CHIC1: variants seen among roughly 807,000 people sequenced by gnomAD.
CHIC1 encodes the protein cysteine rich hydrophobic domain 1.
A neutral mutation model predicts 18.5 loss-of-function variants in CHIC1; 7 were observed. That is an observed-to-expected ratio of 0.38 (90% CI 0.22 to 0.71). CHIC1 has a LOEUF of 0.71. CHIC1 is among the 30% of genes least tolerant of loss of function. The pLI is 0.49. For missense variants in CHIC1, 159 were observed against 176.9 expected (o/e 0.90, Z 0.57); for synonymous variants, 77 against 73.5 (o/e 1.05, Z -0.25).
At chrX:73,648,929 A>G (rs1358345809) in intron 3 of CHIC1, among the ~76,000 whole-genome samples, 1 of 111,808 alleles carries the variant, frequency 8.9e-6, no homozygotes, top group Non-Finnish European at 1.9e-5. Context: ...TGAAGGAAAA[A>G]GTGTTAAGGC....
chrX:73,630,166 G>T (rs1485251085), intron 3 of CHIC1, among the ~76,000 whole-genome samples: 1 of 111,309 alleles, frequency 9.0e-6, no homozygotes, highest in African/African-American at 3.3e-5. Flanking sequence ...GGTCTTTATA[G>T]GATTTTCTAT....
intron 3 of CHIC1, among the ~76,000 whole-genome samples, chrX:73,659,370 CTTTTTTTTTTTT>C (rs149705423): frequency 2.8e-5 from 1 of 35,183 alleles, no homozygotes; most frequent in Non-Finnish European, 4.8e-5. Flanking sequence ...TTCCCCTTTT[CTTTTTTTTTTTT>C]TTTTTTTTTT....
At chrX:73,619,987 T>C (rs1216537317) in intron 3 of CHIC1, among the ~76,000 whole-genome samples, 1 of 111,586 alleles carries the variant, frequency 9.0e-6, no homozygotes, top group Non-Finnish European at 1.9e-5. Context: ...GTTAGTTTGC[T>C]GAGAATGATG....
In CHIC1 at chrX:73,686,374, T is replaced by C. The variant is rs2058121481; in HGVS notation, c.*5369T>C. ...GTTTTAGAATATCACTGGCCTAATT[T>C]ATTTAGGTGTGTACATGTTGCTCAT... On this transcript the variant is annotated 3_prime_UTR_variant, in exon 6 of 6. Coordinates refer to ENST00000373502, the MANE Select transcript of CHIC1 (RefSeq NM_001039840.4). 9.0e-6 allele frequency: 1 copy of C among 111,368 alleles called. No homozygotes were observed. The highest frequency in any genetic ancestry group is 1.9e-5 in the Non-Finnish European group (1 of 52,898). The allele number at this position is 111,368 out of a possible 1,213,427, so 9.2% of individuals were successfully genotyped here.
intron 3 of CHIC1, among the ~76,000 whole-genome samples, chrX:73,636,777 C>T (rs1337037359): frequency 9.0e-6 from 1 of 110,522 alleles, no homozygotes; most frequent in Non-Finnish European, 1.9e-5. Context: ...GAACATAAAT[C>T]AGATACAGAA....
intron 3 of CHIC1, among the ~76,000 whole-genome samples, chrX:73,632,590 C>A (rs938677876): frequency 1.7e-4 from 18 of 108,532 alleles, no homozygotes; most frequent in African/African-American, 5.0e-4. Flanking sequence ...TTTTTTCTCT[C>A]ATCTTTTGTG....
At chrX:73,655,467 TATATATACATATATACACA>T (rs2057940035) in intron 3 of CHIC1, among the ~76,000 whole-genome samples, 2 of 72,678 alleles carry the variant, frequency 2.8e-5, no homozygotes, top group Admixed American at 3.0e-4. Flanking sequence ...ATTGTGTATA[TATATATACATATATACACA>T]ATATTGTGTA....
At chrX:73,610,362 C>T (rs1737047995) in intron 3 of CHIC1, among the ~76,000 whole-genome samples, 1 of 107,891 alleles carries the variant, frequency 9.3e-6, no homozygotes, top group South Asian at 3.9e-4. Flanking sequence ...GAAGTGATGC[C>T]CCACCGTGCT....
At chrX:73,627,537 C>A (rs1004105438) in intron 3 of CHIC1, among the ~76,000 whole-genome samples, 1 of 112,442 alleles carries the variant, frequency 8.9e-6, no homozygotes, top group African/African-American at 3.2e-5. Context: ...GTCCTTCCCA[C>A]TCTTCTTCCC....
chrX:73,612,098 G>A (rs1321170769), intron 3 of CHIC1, among the ~76,000 whole-genome samples: 1 of 110,171 alleles, frequency 9.1e-6, no homozygotes, highest in Non-Finnish European at 1.9e-5. Context: ...CCTTGCCCAT[G>A]CCTATGTCCT....
At position 73,616,088 on chromosome X, in the gene CHIC1, C is replaced by G. The variant is rs747744895; in HGVS notation, c.507+31516C>G. On this transcript the variant is annotated intron_variant, in intron 3 of 5. Transcript: ENST00000373502. Reference sequence around the variant, plus strand: ...CCAGGGTTATTGGCCCCCCTCCCCCCAGGCAGGAGGCAGTATAGTAGGGGC... The same window carrying G: ...CCAGGGTTATTGGCCCCCCTCCCCCGAGGCAGGAGGCAGTATAGTAGGGGC... Among the ~76,000 whole-genome samples, 10 of 110,507 alleles carry G rather than the reference C, an allele frequency of 9.0e-5. 1 individual carries two copies. Among genetic ancestry groups the G allele is most frequent in the African/African-American group, 2.6e-4 (8 of 30,259 alleles).
At chrX:73,598,843 A>G (rs1307854410) in intron 3 of CHIC1, among the ~76,000 whole-genome samples, 1 of 110,094 alleles carries the variant, frequency 9.1e-6, no homozygotes, top group Non-Finnish European at 1.9e-5. Context: ...TTGGGTATAT[A>G]CCCAGTAATG....
At chrX:73,571,357 G>T (rs2147538618) in intron 1 of CHIC1, among the ~76,000 whole-genome samples, 1 of 111,190 alleles carries the variant, frequency 9.0e-6, no homozygotes, top group East Asian at 2.8e-4. Context: ...CTATGTCTTT[G>T]TACATAAGAA....
chrX:73,653,220 T>G (rs770684790), intron 3 of CHIC1, among the ~76,000 whole-genome samples: 1 of 109,614 alleles, frequency 9.1e-6, no homozygotes, highest in South Asian at 4.1e-4. Flanking sequence ...CTGGGGTCTG[T>G]TGGGGGGTGT....
At chrX:73,660,824 T>C (rs2057976264) in intron 3 of CHIC1, among the ~76,000 whole-genome samples, 1 of 111,921 alleles carries the variant, frequency 8.9e-6, no homozygotes, top group Non-Finnish European at 1.9e-5. Flanking sequence ...ACAAATTATT[T>C]GGACCACACC....
intron 3 of CHIC1, among the ~76,000 whole-genome samples, chrX:73,628,632 G>A (rs73229442): frequency 0.15 from 16,262 of 110,323 alleles, 994 homozygotes; most frequent in Non-Finnish European, 0.16. Context: ...AGGCAGAGAT[G>A]CTCTCTGCAC....
intron 5 of CHIC1, among the ~76,000 whole-genome samples, chrX:73,680,295 T>C (rs1003458695): frequency 9.0e-6 from 1 of 111,129 alleles, no homozygotes; most frequent in Non-Finnish European, 1.9e-5. Flanking sequence ...TATTTAATAA[T>C]AAACATTCCA....
intron 3 of CHIC1, among the ~76,000 whole-genome samples, chrX:73,585,700 C>T (rs981902221): frequency 9.0e-6 from 1 of 111,350 alleles, no homozygotes; most frequent in African/African-American, 3.3e-5. Context: ...TACTTAAGAA[C>T]AGATTTTTTT....
intron 3 of CHIC1, among the ~76,000 whole-genome samples, chrX:73,609,013 G>T (rs2057695500): frequency 9.4e-6 from 1 of 105,877 alleles, no homozygotes; most frequent in South Asian, 4.1e-4. Context: ...AAATTAGCTG[G>T]GTGTGGTGGC....
Sources: allele counts gnomAD v4.1 joint callset (sites outside exome capture counted in the v4.1 genomes callset), GRCh38; gene constraint gnomAD v4.1.1; transcripts MANE v1.5; gene names NCBI Gene and HGNC (gene_info 2026-07-23, HGNC 2026-07-21).